The following CPN2 variants were observed in gnomAD, a reference collection of about 807,000 sequenced individuals.
The protein encoded by CPN2 is carboxypeptidase N subunit 2.
For missense variants in CPN2, 620 were observed against 671.4 expected (o/e 0.92, Z 0.85); for synonymous variants, 336 against 318.4 (o/e 1.06, Z -0.59).
chr3:194,341,030 G>GGCCCTGGTC lies in CPN2; in HGVS notation c.*34_*35insGACCAGGGC. 1 of 1,550,770 alleles carries GGCCCTGGTC rather than the reference G, an allele frequency of 6.4e-7. No homozygotes were observed. The highest frequency in any genetic ancestry group is 8.7e-7 in the Non-Finnish European group (1 of 1,147,082). ...CTACCTGTCGCCTGGTCAGGCCCCAGAGGCCCCCTTCCCCAGCTCCTGTAT... is the reference window on the plus strand; with the variant it reads ...CTACCTGTCGCCTGGTCAGGCCCCAGGCCCTGGTCAGGCCCCCTTCCCCAGCTCCTGTAT... On this transcript the variant is annotated 3_prime_UTR_variant, in exon 2 of 2. Transcript: ENST00000323830.
In CPN2 at chr3:194,342,055, C is replaced by T. The variant is rs1307927793; in HGVS notation, c.648G>A (p.Leu216=). The T allele has an allele frequency of 1.9e-6, 3 of 1,614,030 alleles. No individual in the cohort carries two copies. Among genetic ancestry groups the T allele is most frequent in the African/African-American group, 2.7e-5 (2 of 74,904 alleles). The change falls in exon 2 of 2, where the codon CTG becomes CTA. Residue 216 remains leucine, a synonymous_variant. Coordinates refer to ENST00000323830, the MANE Select transcript of CPN2 (RefSeq NM_001080513.4). The part of the protein sequence containing the change: ...SGLPQGVFGK[L]GSLQELFLDS... ...CCAGGAAGAGCTCCTGCAGGCTGCC[C>T]AGTTTGCCAAACACACCCTGGGGGA...
At chr3:194,343,188 A>G (rs1712930116) in intron 1 of CPN2, among the ~76,000 whole-genome samples, 1 of 151,836 alleles carries the variant, frequency 6.6e-6, no homozygotes, top group Non-Finnish European at 1.5e-5. Flanking sequence ...ATCTCTGCCC[A>G]CTCCTCCACG....
intron 1 of CPN2, among the ~76,000 whole-genome samples, chr3:194,348,960 G>C (rs1351404132): frequency 6.6e-6 from 1 of 152,226 alleles, no homozygotes; most frequent in Non-Finnish European, 1.5e-5. Flanking sequence ...TTATGGACAA[G>C]ATGTTTGCAA....
intron 1 of CPN2, among the ~76,000 whole-genome samples, chr3:194,345,817 T>C (rs1713022118): frequency 6.6e-6 from 1 of 152,240 alleles, no homozygotes; most frequent in South Asian, 2.1e-4. Flanking sequence ...GATACCTCTC[T>C]GCGGAGCGAG....
chr3:194,346,823 G>T (rs1713064115), intron 1 of CPN2, among the ~76,000 whole-genome samples: 1 of 152,210 alleles, frequency 6.6e-6, no homozygotes, highest in Admixed American at 6.5e-5. Flanking sequence ...TCATGGGTTA[G>T]CTAGGGAGAA....
chr3:194,343,456 A>T (rs991008619), intron 1 of CPN2, among the ~76,000 whole-genome samples: 9 of 152,246 alleles, frequency 5.9e-5, no homozygotes, highest in South Asian at 2.1e-4. Context: ...AAAATTGGAA[A>T]ACGTCACAAT....
intron 1 of CPN2, 83 bp from the exon 2 acceptor site, chr3:194,342,788 G>C: frequency 1.5e-6 from 1 of 673,140 alleles, no homozygotes; most frequent in East Asian, 2.6e-5. Flanking sequence ...ACAGTGACCA[G>C]GGCATAGTGA....
Position 194,341,900 on chromosome 3 carries a change from G to A in CPN2, c.803C>T (p.Thr268Ile), listed in dbSNP as rs1288189841. Residue 268 changes from threonine (T) to isoleucine (I), a missense_variant, in exon 2 of 2, where the codon ACC (threonine) becomes ATC (isoleucine). By Grantham distance (89) the Thr-to-Ile change is moderately conservative. Coordinates refer to ENST00000323830, the MANE Select transcript of CPN2 (RefSeq NM_001080513.4). ...CATGTTCCACTGCAAGCTCAGAAAG[G>A]TCAGATTACCCAGGGAGGCAAAGAT... ...LSIFASLGNL[T>I]FLSLQWNMLR... is the part of the protein sequence containing the mutation. 4 of 1,614,104 alleles carry A rather than the reference G, an allele frequency of 2.5e-6. No individual in the cohort carries two copies. The African/African-American group carries it at 5.3e-5, about 22-fold the overall frequency.
intron 1 of CPN2, among the ~76,000 whole-genome samples, chr3:194,350,867 TATTAATATAGG>T (rs1294047099): frequency 1.3e-5 from 2 of 151,264 alleles, no homozygotes; most frequent in African/African-American, 2.4e-5. Context: ...TAATATTTAG[TATTAATATAGG>T]ATTAATAAGT....
At chr3:194,348,652 C>T (rs1294155667) in intron 1 of CPN2, among the ~76,000 whole-genome samples, 8 of 151,824 alleles carry the variant, frequency 5.3e-5, no homozygotes, top group Admixed American at 2.0e-4. Context: ...GCACTTTGGG[C>T]GGCAGAGGCA....
In CPN2 at chr3:194,341,003, C is replaced by G; in HGVS notation, c.*62G>C. On this transcript the variant is annotated 3_prime_UTR_variant, in exon 2 of 2. Coordinates refer to ENST00000323830, the MANE Select transcript of CPN2 (RefSeq NM_001080513.4). ...CTTCGGAGACTCAGCTCCCCTCCGCCCCTACCTGTCGCCTGGTCAGGCCCC... is the reference window on the plus strand; with the variant it reads ...CTTCGGAGACTCAGCTCCCCTCCGCGCCTACCTGTCGCCTGGTCAGGCCCC... 2 of 1,505,522 alleles carry G rather than the reference C, an allele frequency of 1.3e-6. No homozygotes were observed. Among genetic ancestry groups the G allele is most frequent in the South Asian group, 2.6e-5 (2 of 76,336 alleles). 93.3% of individuals were successfully genotyped at this position (1,505,522 alleles called of 1,614,324 possible).
At chr3:194,343,155 C>T (rs964542266) in intron 1 of CPN2, among the ~76,000 whole-genome samples, 1 of 152,102 alleles carries the variant, frequency 6.6e-6, no homozygotes, top group African/African-American at 2.4e-5. Context: ...GCTGAAATGC[C>T]CTCCTCCTGC....
At chr3:194,345,838 C>T (rs377046706) in intron 1 of CPN2, among the ~76,000 whole-genome samples, 3 of 152,352 alleles carry the variant, frequency 2.0e-5, no homozygotes, top group South Asian at 2.1e-4. Flanking sequence ...CTGAGCTGCT[C>T]CCTGGCTTCC....
intron 1 of CPN2, among the ~76,000 whole-genome samples, chr3:194,350,333 G>A (rs9832154): frequency 0.23 from 35,336 of 152,110 alleles, 4,802 homozygotes; most frequent in Non-Finnish European, 0.32. Context: ...CAGTGACTTC[G>A]CATCTCAGGC....
At chr3:194,349,586 G>A (rs907788890) in intron 1 of CPN2, among the ~76,000 whole-genome samples, 3 of 151,906 alleles carry the variant, frequency 2.0e-5, no homozygotes, top group Non-Finnish European at 4.4e-5. Context: ...TTTCCTTCCT[G>A]GCAGTGATGT....
intron 1 of CPN2, 40 bp from the exon 2 acceptor site, chr3:194,342,745 G>T: frequency 2.3e-6 from 2 of 882,820 alleles, no homozygotes; most frequent in South Asian, 1.6e-5. Flanking sequence ...AGAGAAACTT[G>T]ATCATCACAC....
At chr3:194,347,409 G>A (rs12632411) in intron 1 of CPN2, among the ~76,000 whole-genome samples, 53,185 of 151,880 alleles carry the variant, frequency 0.35, 10,641 homozygotes, top group East Asian at 0.74. Flanking sequence ...ACTGCCACCC[G>A]ACGCTGGCTC....
intron 1 of CPN2, among the ~76,000 whole-genome samples, chr3:194,348,881 C>G (rs377693596): frequency 1.3e-5 from 2 of 151,516 alleles, no homozygotes; most frequent in East Asian, 1.9e-4. Context: ...AAGGGGGAGA[C>G]CTTGTCTCAA....
At chr3:194,344,470 G>A (rs1712978809) in intron 1 of CPN2, among the ~76,000 whole-genome samples, 1 of 152,236 alleles carries the variant, frequency 6.6e-6, no homozygotes, top group Admixed American at 6.5e-5. Context: ...GCCAAGGCAG[G>A]TGGATCCTGA....
Sources: gnomAD v4.1 joint callset for allele counts (sites outside exome capture counted in the v4.1 genomes callset) on GRCh38, gnomAD v4.1.1 for gene constraint, MANE v1.5 for transcripts, NCBI Gene and HGNC (gene_info 2026-07-23, HGNC 2026-07-21) for gene names.